Variants in PARP8 observed in about 807,000 individuals in gnomAD.
PARP8 encodes poly(ADP-ribose) polymerase family member 8.
Under a neutral mutation model 124.1 loss-of-function variants are expected in PARP8, and 51 were observed. The ratio of observed to expected loss-of-function variants is 0.41; its 90% confidence interval spans 0.33 to 0.52. The LOEUF is 0.52. Among genes scored for constraint, PARP8 ranks in the 20% least tolerant of loss-of-function variants. The pLI is 0.21. For synonymous variants in PARP8, 391 were observed against 361.5 expected (o/e 1.08, Z -0.93); for missense variants, 860 against 1,018.9 (o/e 0.84, Z 2.12).
At position 50,795,187 on chromosome 5, in the gene PARP8, A is replaced by G; in HGVS notation, c.1198A>G (p.Asn400Asp). Residue 400 changes from asparagine to aspartate, a missense_variant, in exon 12 of 26, where the codon AAC becomes GAC. By Grantham distance (23) the Asn-to-Asp change is conservative. This residue lies in a region of PARP8 where 517 missense variants were observed against 544.2 expected (regional missense o/e 0.95). Transcript: ENST00000281631. ...AGATCCACGATGTGAGCACAACACA[A>G]ACTTGAAGCCCCATAAACTGTTAAG... ...SGDPRCEHNTNLKPHKLLSRS... is the reference protein window; with the variant it reads ...SGDPRCEHNTDLKPHKLLSRS... The G allele has an allele frequency of 1.2e-6, 2 of 1,614,200 alleles. No homozygotes were observed. The highest frequency in any genetic ancestry group is 1.7e-6 in the Non-Finnish European group (2 of 1,180,030).
intron 9 of PARP8, among the ~76,000 whole-genome samples, chr5:50,786,361 CT>C (rs567461590): frequency 1.1e-4 from 16 of 146,052 alleles, no homozygotes; most frequent in South Asian, 2.2e-4. Context: ...CCTTGAAAAT[CT>C]TTTTTTTTTC....
intron 14 of PARP8, among the ~76,000 whole-genome samples, chr5:50,811,965 C>T (rs1744506100): frequency 1.3e-5 from 2 of 152,126 alleles, no homozygotes; most frequent in Non-Finnish European, 2.9e-5. Context: ...ATATGTGTCA[C>T]GTTTTCTTAA....
At chr5:50,751,784 G>A (rs1227491205) in intron 3 of PARP8, among the ~76,000 whole-genome samples, 1 of 152,080 alleles carries the variant, frequency 6.6e-6, no homozygotes, top group African/African-American at 2.4e-5. Context: ...TCTGATTCCC[G>A]TTGCCTCTGG....
At chr5:50,825,446 C>T (rs1746236070) in intron 18 of PARP8, among the ~76,000 whole-genome samples, 1 of 152,150 alleles carries the variant, frequency 6.6e-6, no homozygotes, top group South Asian at 2.1e-4. Flanking sequence ...TCTGCTTGCT[C>T]AGTGCAGAAG....
intron 25 of PARP8, among the ~76,000 whole-genome samples, chr5:50,840,694 A>G (rs1018456977): frequency 5.9e-5 from 9 of 151,860 alleles, no homozygotes; most frequent in African/African-American, 2.2e-4. Flanking sequence ...GGTGTGATTC[A>G]TGTATAAAAC....
At chr5:50,832,279 C>A (rs1747070208) in intron 22 of PARP8, among the ~76,000 whole-genome samples, 1 of 152,068 alleles carries the variant, frequency 6.6e-6, no homozygotes, top group Non-Finnish European at 1.5e-5. Flanking sequence ...GAAATTATGG[C>A]ATTTACAGAG....
intron 2 of PARP8, among the ~76,000 whole-genome samples, chr5:50,723,342 G>A (rs1208959769): frequency 6.6e-6 from 1 of 152,034 alleles, no homozygotes; most frequent in East Asian, 1.9e-4. Flanking sequence ...TTCTCTACTA[G>A]GTATAGATTG....
intron 15 of PARP8, among the ~76,000 whole-genome samples, chr5:50,819,829 A>T (rs1237215467): frequency 6.6e-6 from 1 of 152,148 alleles, no homozygotes; most frequent in Admixed American, 6.5e-5. Flanking sequence ...AACAATCTGT[A>T]TCAGGGTTAA....
intron 7 of PARP8, among the ~76,000 whole-genome samples, chr5:50,763,633 T>TAA (rs201812514): frequency 4.9e-5 from 7 of 143,060 alleles, no homozygotes; most frequent in Non-Finnish European, 6.1e-5. Context: ...ATCTGGTCCC[T>TAA]AAAAAAAAAA....
intron 2 of PARP8, among the ~76,000 whole-genome samples, chr5:50,730,718 G>A (rs1284045168): frequency 6.6e-6 from 1 of 152,172 alleles, no homozygotes; most frequent in African/African-American, 2.4e-5. Flanking sequence ...AATATTTATT[G>A]AAAACCAGAG....
chr5:50,798,425 T>G lies in PARP8; in HGVS notation c.1575+1192T>G, dbSNP rs867269764. ...TGTGAAGCGGTTTCTATTTTTTTTG[T>G]TTTTTTTTTTTTTGAGACAGAGTCT... On this transcript the variant is annotated intron_variant, in intron 14 of 25. Transcript: ENST00000281631. 3.2e-5 allele frequency among the ~76,000 whole-genome samples: 4 copies of G among 124,946 alleles called. No individual in the cohort carries two copies. In the East Asian group the frequency reaches 6.1e-4, roughly 19 times the overall value. 82.0% of individuals were successfully genotyped at this position (124,946 alleles called of 152,430 possible). A position where few individuals can be genotyped will look rare whatever the true frequency, so the allele number is the denominator to read the frequency against.
At chr5:50,834,113 A>G (rs1027519046) in intron 24 of PARP8, 65 bp downstream of exon 24, 3 of 1,306,494 alleles carry the variant, frequency 2.3e-6, no homozygotes, top group Non-Finnish European at 3.3e-6. Context: ...TAAAAATATA[A>G]GTATATTTAC....
intron 7 of PARP8, among the ~76,000 whole-genome samples, chr5:50,769,561 A>G (rs1473966247): frequency 6.6e-6 from 1 of 152,064 alleles, no homozygotes; most frequent in African/African-American, 2.4e-5. Flanking sequence ...AAGTGATTCT[A>G]TGAGAAGACA....
intron 2 of PARP8, among the ~76,000 whole-genome samples, chr5:50,709,775 G>T (rs2149487243): frequency 6.6e-6 from 1 of 151,100 alleles, no homozygotes; most frequent in African/African-American, 2.4e-5. Flanking sequence ...AAAAGAAAAA[G>T]ACCAAGGAAC....
chr5:50,667,598 G>A (rs1433381205), intron 1 of PARP8: 5 of 699,240 alleles, frequency 7.2e-6, no homozygotes, highest in South Asian at 3.0e-5. Context: ...GCTGCGCTGC[G>A]CTTGTAAGCT....
intron 2 of PARP8, among the ~76,000 whole-genome samples, chr5:50,731,883 GATT>G (rs1757009975): frequency 6.6e-6 from 1 of 152,154 alleles, no homozygotes; most frequent in African/African-American, 2.4e-5. Flanking sequence ...ACAGACATGA[GATT>G]ATATAAAGTT....
chr5:50,746,067 A>G (rs962871684), intron 2 of PARP8, among the ~76,000 whole-genome samples: 15 of 152,196 alleles, frequency 9.9e-5, no homozygotes, highest in Non-Finnish European at 1.9e-4. Context: ...CTCATATTTT[A>G]CTACTATGAT....
chr5:50,770,742 A>G (rs1348236004), intron 7 of PARP8, among the ~76,000 whole-genome samples: 2 of 152,092 alleles, frequency 1.3e-5, no homozygotes, highest in Non-Finnish European at 2.9e-5. Context: ...AGAAAGAGAA[A>G]GAAAAGAAAA....
At chr5:50,796,420 C>A (rs1051981499) in intron 12 of PARP8, among the ~76,000 whole-genome samples, 1 of 152,138 alleles carries the variant, frequency 6.6e-6, no homozygotes, top group Non-Finnish European at 1.5e-5. Flanking sequence ...CTCAAACATA[C>A]GTTTTAAGGA....
Sources: allele counts gnomAD v4.1 joint callset (sites outside exome capture counted in the v4.1 genomes callset), GRCh38; gene constraint gnomAD v4.1.1; regional missense constraint gnomAD v4.1.1; transcripts MANE v1.5; gene names NCBI Gene and HGNC (gene_info 2026-07-23, HGNC 2026-07-21).